Variants in HERC2 observed in about 807,000 individuals in gnomAD.
The protein encoded by HERC2 is HECT and RLD domain containing E3 ubiquitin protein ligase 2.
Under a neutral mutation model 537.7 loss-of-function variants are expected in HERC2, and 102 were observed. That is an observed-to-expected ratio of 0.19 (90% CI 0.16 to 0.22). The LOEUF (loss-of-function observed/expected upper bound fraction) is 0.22. HERC2 is among the 10% of genes least tolerant of loss of function. HERC2 has a pLI of 1.00. For missense variants in HERC2, 4,236 were observed against 6,198.2 expected (o/e 0.68, Z 10.63); for synonymous variants, 2,224 against 2,466.2 (o/e 0.90, Z 2.91).
chr15:28,169,483 C>A lies in HERC2; in HGVS notation c.10229+1G>T. On this transcript the variant is annotated splice_donor_variant, in intron 66 of 92. Transcript: ENST00000261609. LOFTEE classifies it high-confidence loss of function. The stretch of plus-strand genomic sequence containing the variant: ...TTTCAAAAATTAGCACAGAAGCCTA[C>A]CTGGCATACATGATTTGCAATGCTG... The A allele has an allele frequency of 6.4e-7, 1 of 1,569,164 alleles. No homozygotes were observed. Among genetic ancestry groups the A allele is most frequent in the South Asian group, 1.2e-5 (1 of 84,826 alleles).
At chr15:28,203,965 G>T (rs529439766) in intron 45 of HERC2, 2 of 152,058 alleles carry the variant, frequency 1.3e-5, no homozygotes, top group Admixed American at 6.5e-5. Context: ...GCCCAGAAGA[G>T]ATTCTAAATC....
chr15:28,297,999 C>G (rs1322882006), intron 3 of HERC2, among the ~76,000 whole-genome samples: 1 of 133,132 alleles, frequency 7.5e-6, no homozygotes, highest in African/African-American at 3.1e-5. Context: ...ACACGTCTGT[C>G]AGTTATTGTG....
chr15:28,198,904 T>A (rs936208001), intron 48 of HERC2, 135 bp from the exon 49 acceptor site: 1 of 815,084 alleles, frequency 1.2e-6, no homozygotes, highest in African/African-American at 1.7e-5. Context: ...TCCTAGCACT[T>A]TGGGAGGCTG....
chr15:28,202,005 T>C (rs780813938), intron 47 of HERC2, 108 bp downstream of exon 47: 12 of 1,178,732 alleles, frequency 1.0e-5, no homozygotes, highest in African/African-American at 3.1e-5. Context: ...CAGTCCACAG[T>C]AGATATAGTT....
chr15:28,273,246 A>G, intron 7 of HERC2: 1 of 563,844 alleles, frequency 1.8e-6, no homozygotes, highest in Non-Finnish European at 3.1e-6. Context: ...TAGATGACAT[A>G]CTCCATGTAT....
At chr15:28,181,151 GC>G (rs1895781537) in intron 57 of HERC2, among the ~76,000 whole-genome samples, 1 of 152,090 alleles carries the variant, frequency 6.6e-6, no homozygotes, top group Admixed American at 6.6e-5. Context: ...AATTCCTAGG[GC>G]CCTTTGTCTA....
intron 83 of HERC2, among the ~76,000 whole-genome samples, chr15:28,125,853 C>A (rs1889417607): frequency 6.6e-6 from 1 of 152,178 alleles, no homozygotes; most frequent in South Asian, 2.1e-4. Flanking sequence ...CTTTGTCGCC[C>A]AGGCTGGAAT....
intron 26 of HERC2, among the ~76,000 whole-genome samples, chr15:28,235,341 C>T (rs1195331925): frequency 1.3e-5 from 2 of 152,106 alleles, no homozygotes; most frequent in Non-Finnish European, 2.9e-5. Flanking sequence ...CCCATGGCAC[C>T]CTCTGCCCTG....
In HERC2 at chr15:28,220,082, G is replaced by A. The variant is rs561307627; in HGVS notation, c.5845+370C>T. ...TCACTGGAGGAGGAGGCAATGGACC[G>A]AGACCACAGGGCAATTCCACCAGGC... On this transcript the variant is annotated intron_variant, in intron 37 of 92. Transcript: ENST00000261609. Among the ~76,000 whole-genome samples the A allele has an allele frequency of 3.3e-3, 503 of 152,282 alleles. 2 individuals are homozygous for A. The highest frequency in any genetic ancestry group is 0.024 in the Middle Eastern group (7 of 294).
chr15:28,210,882 A>C (rs7166017), intron 44 of HERC2, 120 bp downstream of exon 44: 1 of 1,021,520 alleles, frequency 9.8e-7, no homozygotes. Flanking sequence ...GGCAGGCCAC[A>C]TGTCTGTCTT....
At chr15:28,130,048 C>T (rs1596005074) in intron 83 of HERC2, 115 bp downstream of exon 83, 2 of 1,309,060 alleles carry the variant, frequency 1.5e-6, no homozygotes, top group East Asian at 2.3e-5. Context: ...GCTGGGGCAA[C>T]AGGAGTGAGC....
At chr15:28,138,512 AC>A (rs1890878760) in intron 78 of HERC2, among the ~76,000 whole-genome samples, 1 of 152,022 alleles carries the variant, frequency 6.6e-6, no homozygotes, top group Non-Finnish European at 1.5e-5. Flanking sequence ...ATAGAACAAA[AC>A]CTGGAAGTCA....
At position 28,149,960 on chromosome 15, in the gene HERC2, C is replaced by T. The variant is rs543950704; in HGVS notation, c.10900+2717G>A. ...TCTAGTAAAATTACCAAAAAACACA[C>T]ACGGCTCCTAACCGAGAACATCACC... On this transcript the variant is annotated intron_variant, in intron 70 of 92. Transcript: ENST00000261609. Among the ~76,000 whole-genome samples, 21 of 151,494 alleles carry T rather than the reference C, an allele frequency of 1.4e-4. No homozygotes were observed. In the East Asian group the frequency reaches 2.7e-3, roughly 20 times the overall value.
In HERC2 at chr15:28,116,518, TAA is replaced by T. The variant is rs912364127; in HGVS notation, c.13609+145_13609+146del. ...AGGCGTGAGCCACCGCGCCTCACCC[TAA>T]AAGTCATTTTTATTGGTAACAGTCT... On this transcript the variant is annotated intron_variant, in intron 88 of 92. Coordinates refer to ENST00000261609, the MANE Select transcript of HERC2 (RefSeq NM_004667.6). 8.0e-5 allele frequency: 72 copies of T among 903,632 alleles called. No individual in the cohort carries two copies. The African/African-American group carries it at 1.1e-3, about 14-fold the overall frequency. The allele number at this position is 903,632 out of a possible 1,614,324, so 56.0% of individuals were successfully genotyped here.
At chr15:28,155,277 A>T (rs1892881069) in intron 69 of HERC2, among the ~76,000 whole-genome samples, 1 of 152,104 alleles carries the variant, frequency 6.6e-6, no homozygotes, top group Non-Finnish European at 1.5e-5. Flanking sequence ...TTGGGTATAT[A>T]CCCAGTAATG....
rs1455145886 is a variant in HERC2, at chr15:28,211,023, C to G, written c.7048G>C (p.Glu2350Gln). Residue 2350 changes from glutamate (E) to glutamine (Q), a missense_variant, in exon 44 of 93, where the codon GAG becomes CAG. Glu to Gln is a conservative substitution (Grantham distance 29). Around this residue, in one of 27 missense-constraint regions of HERC2, gnomAD observed 67 missense variants for 140.1 expected, o/e 0.48. Coordinates refer to ENST00000261609, the MANE Select transcript of HERC2 (RefSeq NM_004667.6). ...ACACCTGTGTGAACAGTTCCAGTCT[C>G]CTGAACAGCTGGCTGAGACAGGATC... ...RQILSQPAVQ[E>Q]TGTVHTDDGA... 3.7e-6 allele frequency: 6 copies of G among 1,604,620 alleles called. No homozygotes were observed. The highest frequency in any genetic ancestry group is 3.4e-6 in the Non-Finnish European group (4 of 1,173,294).
In HERC2 at chr15:28,272,882, G is replaced by A. The variant is rs768733015; in HGVS notation, c.911+12C>T. The A allele has an allele frequency of 1.0e-4, 159 of 1,587,636 alleles. 1 individual carries two copies. The highest frequency in any genetic ancestry group is 6.4e-4 in the South Asian group (58 of 90,490). ...GCTTCCCCAAAGCGTTCCCGTCTGC[G>A]GCAGCCCTCACCTCAGCGTGCCTCT... On this transcript the variant is annotated intron_variant, in intron 8 of 92. Coordinates refer to ENST00000261609, the MANE Select transcript of HERC2 (RefSeq NM_004667.6).
chr15:28,206,826 C>T (rs1303695458), intron 44 of HERC2, among the ~76,000 whole-genome samples: 2 of 94,162 alleles, frequency 2.1e-5, no homozygotes, highest in Non-Finnish European at 4.0e-5. Flanking sequence ...GACCAAGACT[C>T]GGTCTCAAAA....
chr15:28,300,042 G>C (rs1318248274), intron 2 of HERC2, among the ~76,000 whole-genome samples: 1 of 131,598 alleles, frequency 7.6e-6, no homozygotes, highest in Non-Finnish European at 1.6e-5. Context: ...ACAAGAGCGA[G>C]ACTCGGTGTT....
Sources: gnomAD v4.1 joint callset for allele counts (sites outside exome capture counted in the v4.1 genomes callset) on GRCh38, gnomAD v4.1.1 for gene constraint, gnomAD v4.1.1 regional missense constraint, MANE v1.5 for transcripts, NCBI Gene and HGNC (gene_info 2026-07-23, HGNC 2026-07-21) for gene names.